MCC: variants seen among roughly 807,000 people sequenced by gnomAD.
MCC encodes colorectal mutant cancer protein.
MCC carries 90 observed loss-of-function variants against 116.2 expected under a neutral mutation model. The observed-to-expected ratio is 0.77, with a 90% CI of 0.65 to 0.92. The LOEUF (loss-of-function observed/expected upper bound fraction) is 0.92. Ranked by LOEUF, MCC falls within the 40% of genes least tolerant of loss-of-function variation. MCC has a pLI of 0.00. For missense variants in MCC, 1,516 were observed against 1,312.2 expected (o/e 1.16, Z -2.40); for synonymous variants, 578 against 510.5 (o/e 1.13, Z -1.78).
intron 14 of MCC, among the ~76,000 whole-genome samples, chr5:113,056,026 A>G (rs1752812622): frequency 6.6e-6 from 1 of 152,200 alleles, no homozygotes; most frequent in African/African-American, 2.4e-5. Context: ...ATTCCTTAAA[A>G]TAAATCACTG....
At chr5:113,427,664 C>T (rs138267161) in intron 1 of MCC, among the ~76,000 whole-genome samples, 2 of 152,284 alleles carry the variant, frequency 1.3e-5, no homozygotes, top group East Asian at 3.9e-4. Context: ...TTACACTTAA[C>T]CTTCCCGTAT....
chr5:113,059,432 G>A (rs950275660), intron 14 of MCC, among the ~76,000 whole-genome samples: 1 of 152,192 alleles, frequency 6.6e-6, no homozygotes, highest in Non-Finnish European at 1.5e-5. Context: ...AGGCGCTGGC[G>A]GTCTCCCAAG....
intron 1 of MCC, chr5:113,433,748 C>A (rs369370531): frequency 3.1e-6 from 5 of 1,612,434 alleles, no homozygotes; most frequent in African/African-American, 1.3e-5. Context: ...ACTGGGCCCG[C>A]GTCTCTGGAG....
chr5:113,261,177 A>G (rs1212634129), intron 3 of MCC, among the ~76,000 whole-genome samples: 1 of 152,192 alleles, frequency 6.6e-6, no homozygotes, highest in Non-Finnish European at 1.5e-5. Context: ...GCCTACTTTA[A>G]ACGTGCTCAA....
rs149445088 is a variant in MCC at position 113,220,917 on chromosome 5, G to A, written c.628-69495C>T. On this transcript the variant is annotated intron_variant, in intron 3 of 18. Transcript: ENST00000408903. ...ACCTAATACTAAAAGAAAAGAAGCA[G>A]TGAGGCCGGGCATGGTGGCTCATGC... is the stretch of plus-strand genomic sequence containing the variant. 2.8e-3 allele frequency among the ~76,000 whole-genome samples: 424 copies of A among 152,268 alleles called. 5 individuals carry two copies. Among genetic ancestry groups the A allele is most frequent in the African/African-American group, 9.9e-3 (410 of 41,546 alleles).
At chr5:113,247,844 G>A (rs1255750366) in intron 3 of MCC, among the ~76,000 whole-genome samples, 1 of 152,066 alleles carries the variant, frequency 6.6e-6, no homozygotes, top group African/African-American at 2.4e-5. Context: ...CGGCAGCAGG[G>A]GAGTGTATGG....
In MCC at chr5:113,026,053, A is replaced by G. The variant is rs146748143; in HGVS notation, c.*1249T>C. ...AACTGAGAGAGAAGAGGTAAAACTGAAAAAGAATAATGAATTTGTTTTAAG... is the reference window on the plus strand; with the variant it reads ...AACTGAGAGAGAAGAGGTAAAACTGGAAAAGAATAATGAATTTGTTTTAAG... On this transcript the variant is annotated 3_prime_UTR_variant, in exon 19 of 19. Transcript: ENST00000408903. The G allele has an allele frequency of 1.3e-5, 2 of 152,284 alleles. No homozygotes were observed. Among genetic ancestry groups the G allele is most frequent in the Non-Finnish European group, 2.9e-5 (2 of 67,982 alleles). The allele number at this position is 152,284 out of a possible 1,614,324, so 9.4% of individuals were successfully genotyped here. A position where few individuals can be genotyped will look rare whatever the true frequency, so the allele number is the denominator to read the frequency against.
intron 6 of MCC, among the ~76,000 whole-genome samples, chr5:113,109,629 T>C (rs1756964249): frequency 6.6e-6 from 1 of 152,164 alleles, no homozygotes; most frequent in South Asian, 2.1e-4. Context: ...ATGATTACCA[T>C]GGTAAATTTC....
Position 113,132,443 on chromosome 5 carries a change from TACACACACAC to T in MCC, c.885-9627_885-9618del, listed in dbSNP as rs140363649. On this transcript the variant is annotated intron_variant, in intron 5 of 18. Coordinates refer to ENST00000408903, the MANE Select transcript of MCC (RefSeq NM_001085377.2). ...ACACACATACATATATATATATATA[TACACACACAC>T]ACACACACACACACACACACACACA... is the stretch of plus-strand genomic sequence containing the variant. 8.2e-3 allele frequency among the ~76,000 whole-genome samples: 295 copies of T among 35,830 alleles called. 2 individuals carry two copies. The highest frequency in any genetic ancestry group is 0.017 in the East Asian group (16 of 934). 23.5% of individuals were successfully genotyped at this position (35,830 alleles called of 152,430 possible).
At chr5:113,294,319 T>G (rs773697395) in intron 3 of MCC, 4 of 1,613,592 alleles carry the variant, frequency 2.5e-6, no homozygotes, top group Non-Finnish European at 3.4e-6. Flanking sequence ...CGACCTCAGC[T>G]GTTTCTTACC....
At chr5:113,193,551 T>A (rs999588649) in intron 3 of MCC, among the ~76,000 whole-genome samples, 4 of 152,214 alleles carry the variant, frequency 2.6e-5, no homozygotes, top group African/African-American at 9.6e-5. Context: ...GCCTAGGAAT[T>A]CTCTCCGTAT....
rs772648674 is a variant in MCC at position 113,082,920 on chromosome 5, C to T, written c.1724G>A (p.Gly575Glu). ...AATCTTGCTTTCTGAGATGGCAGAT[C>T]CGTGTGAGTAGAGTGTTTGGAAAAT... Reference protein sequence around the residue: ...QEIFQTLYSHGSAISESKIRE... With the variant: ...QEIFQTLYSHESAISESKIRE... The change falls in exon 11 of 19, where the codon GGA becomes GAA. Residue 575 changes from glycine (G) to glutamate (E), a missense_variant. Transcript: ENST00000408903. 1 of 1,614,182 alleles carries T rather than the reference C, an allele frequency of 6.2e-7. No homozygotes were observed. Among genetic ancestry groups the T allele is most frequent in the Admixed American group, 1.7e-5 (1 of 60,026 alleles).
intron 3 of MCC, among the ~76,000 whole-genome samples, chr5:113,218,136 TG>T (rs1369510018): frequency 3.1e-4 from 1 of 3,212 alleles, no homozygotes; most frequent in East Asian, 0.01. Flanking sequence ...GTATGGAGAG[TG>T]GGGGGGTGGG....
intron 3 of MCC, among the ~76,000 whole-genome samples, chr5:113,201,448 C>T (rs2150318826): frequency 1.3e-5 from 2 of 151,988 alleles, no homozygotes; most frequent in African/African-American, 4.8e-5. Flanking sequence ...GTATCCCACC[C>T]TCCATAAATC....
intron 3 of MCC, among the ~76,000 whole-genome samples, chr5:113,288,200 C>A (rs1234387465): frequency 6.6e-6 from 1 of 152,220 alleles, no homozygotes; most frequent in Non-Finnish European, 1.5e-5. Flanking sequence ...CTTCACTGGG[C>A]CCCTTTGGCT....
chr5:113,366,542 C>G (rs1732524499), intron 2 of MCC, among the ~76,000 whole-genome samples: 1 of 152,088 alleles, frequency 6.6e-6, no homozygotes, highest in African/African-American at 2.4e-5. Context: ...GCCCTCTAGG[C>G]TTCTAGATTT....
At chr5:113,360,852 G>A (rs1362069612) in intron 2 of MCC, among the ~76,000 whole-genome samples, 2 of 152,148 alleles carry the variant, frequency 1.3e-5, no homozygotes, top group Admixed American at 6.6e-5. Context: ...TTGGCTGGAT[G>A]ACCCAATCTT....
At chr5:113,285,946 T>C (rs1038368165) in intron 3 of MCC, among the ~76,000 whole-genome samples, 1 of 152,214 alleles carries the variant, frequency 6.6e-6, no homozygotes, top group Non-Finnish European at 1.5e-5. Flanking sequence ...TTCCATCGAA[T>C]GGGTACTTTC....
At chr5:113,244,463 T>G (rs747297639) in intron 3 of MCC, among the ~76,000 whole-genome samples, 5 of 152,252 alleles carry the variant, frequency 3.3e-5, no homozygotes, top group Non-Finnish European at 7.3e-5. Flanking sequence ...GTGTTTAACA[T>G]GTGCTCTGAA....
Sources: gnomAD v4.1 joint callset for allele counts (sites outside exome capture counted in the v4.1 genomes callset) on GRCh38, gnomAD v4.1.1 for gene constraint, MANE v1.5 for transcripts, NCBI Gene and HGNC (gene_info 2026-07-23, HGNC 2026-07-21) for gene names.